The following FREM2 variants were observed in gnomAD, a reference collection of about 807,000 sequenced individuals.
FREM2 encodes FRAS1-related extracellular matrix protein 2.
FREM2 carries 119 observed loss-of-function variants against 219.9 expected under a neutral mutation model. The ratio of observed to expected loss-of-function variants is 0.54; its 90% CI spans 0.47 to 0.63. FREM2 has a LOEUF of 0.63. Among genes scored for constraint, FREM2 ranks in the 30% least tolerant of loss-of-function variants. The pLI is 0.00. For synonymous variants in FREM2, 1,562 were observed against 1,522.8 expected (o/e 1.03, Z -0.60); for missense variants, 4,030 against 3,993.6 (o/e 1.01, Z -0.25).
At chr13:38,750,546 A>T (rs1054311667) in intron 2 of FREM2, among the ~76,000 whole-genome samples, 3 of 152,302 alleles carry the variant, frequency 2.0e-5, no homozygotes, top group East Asian at 1.9e-4. Context: ...ACTTAAATTG[A>T]TTCCATATAT....
intron 16 of FREM2, among the ~76,000 whole-genome samples, chr13:38,866,311 A>G (rs904228516): frequency 6.6e-6 from 1 of 151,996 alleles, no homozygotes; most frequent in East Asian, 1.9e-4. Context: ...CCTGACCAAC[A>G]TGGAGAAACC....
chr13:38,850,133 A>G lies in FREM2; in HGVS notation c.6475A>G (p.Arg2159Gly). The G allele has an allele frequency of 6.2e-7, 1 of 1,614,036 alleles. No individual in the cohort carries two copies. Among genetic ancestry groups the G allele is most frequent in the Non-Finnish European group, 8.5e-7 (1 of 1,179,884 alleles). ...MIHRTGDVQY[R>G]SSVRCYTRQG... Reference sequence around the variant, plus strand: ...CCATAGGACTGGGGATGTCCAGTACAGATCTTCAGTGAGATGCTACACCCG... The same window carrying G: ...CCATAGGACTGGGGATGTCCAGTACGGATCTTCAGTGAGATGCTACACCCG... The change falls in exon 9 of 24, where the codon AGA becomes GGA. Residue 2159 changes from arginine (R) to glycine (G), a missense_variant. Arg to Gly is a moderately radical substitution (Grantham distance 125). Transcript: ENST00000280481.
chr13:38,869,603 A>G (rs1281808623), intron 16 of FREM2, among the ~76,000 whole-genome samples: 1 of 152,230 alleles, frequency 6.6e-6, no homozygotes, highest in Non-Finnish European at 1.5e-5. Context: ...TTCTCTAATG[A>G]TATTTAACTC....
In FREM2 at chr13:38,846,700, A is replaced by G. The variant is rs1877170538; in HGVS notation, c.6147A>G (p.Lys2049=). The G allele has an allele frequency of 6.2e-7, 1 of 1,613,768 alleles. No homozygotes were observed. The highest frequency in any genetic ancestry group is 1.3e-5 in the African/African-American group (1 of 74,988). The change falls in exon 7 of 24, where the codon AAA becomes AAG. Residue 2049 remains lysine, a synonymous_variant. Coordinates refer to ENST00000280481, the MANE Select transcript of FREM2 (RefSeq NM_207361.6). ...CTAGTGTCACAGTGAGGTCTCGGAA[A>G]ACAGATCCTCCCTCTGCAGATGGTG... The part of the protein sequence containing the change: ...KSSSVTVRSR[K]TDPPSADAGT...
intron 20 of FREM2, among the ~76,000 whole-genome samples, chr13:38,876,764 G>A (rs566883028): frequency 2.0e-5 from 3 of 152,100 alleles, no homozygotes; most frequent in East Asian, 3.9e-4. Context: ...GTACCTAATT[G>A]CCATTATGTA....
rs1228218655 is a variant in FREM2 at position 38,857,650 on chromosome 13, C to T, written c.7057-225C>T. Reference sequence around the variant, plus strand: ...GCTGGCCAACCTTTGGATTGACTGCCCTGGGCTCAGCTGCCCTCCCTGGAA... The same window carrying T: ...GCTGGCCAACCTTTGGATTGACTGCTCTGGGCTCAGCTGCCCTCCCTGGAA... On this transcript the variant is annotated intron_variant, in intron 12 of 23. Transcript: ENST00000280481. Among the ~76,000 whole-genome samples the T allele has an allele frequency of 2.0e-5, 3 of 152,142 alleles. No individual in the cohort carries two copies. The East Asian group carries it at 5.8e-4, about 29-fold the overall frequency.
chr13:38,855,676 C>T (rs1285830127), intron 11 of FREM2, among the ~76,000 whole-genome samples: 2 of 151,986 alleles, frequency 1.3e-5, no homozygotes, highest in African/African-American at 4.8e-5. Context: ...GGGAGCTAAG[C>T]TATGAGGATG....
Position 38,697,791 on chromosome 13 carries a change from A to T in FREM2, c.5263+4A>T. ...TATTTTGCAGTTGAAGATGGTGGTA[A>T]GTATTCCCCTCTCCTGGTAGTGACC... On this transcript the variant is annotated splice_donor_region_variant and intron_variant, in intron 2 of 23. Coordinates refer to ENST00000280481, the MANE Select transcript of FREM2 (RefSeq NM_207361.6). 6.4e-7 allele frequency: 1 copy of T among 1,550,700 alleles called. No homozygotes were observed. Among genetic ancestry groups the T allele is most frequent in the Non-Finnish European group, 8.9e-7 (1 of 1,122,250 alleles).
At chr13:38,879,589 A>G (rs905878412) in intron 23 of FREM2, among the ~76,000 whole-genome samples, 33 of 152,382 alleles carry the variant, frequency 2.2e-4, no homozygotes, top group African/African-American at 7.2e-4. Context: ...TAGGATATTT[A>G]CTGAAAATTA....
chr13:38,724,604 A>G (rs1871435799), intron 2 of FREM2, among the ~76,000 whole-genome samples: 1 of 152,246 alleles, frequency 6.6e-6, no homozygotes. Flanking sequence ...AGTTATTTAA[A>G]AAAATTGAAA....
Position 38,877,286 on chromosome 13 carries a change from T to TA in FREM2, c.8671+44dup, listed in dbSNP as rs754754256. 6.2e-6 allele frequency: 10 copies of TA among 1,608,696 alleles called. No homozygotes were observed. The East Asian group carries it at 2.2e-4, about 36-fold the overall frequency. ...AGAGGGATGCTCTGTTTGTCATGTA[T>TA]ATCTTTTGTGCTTTGCTTTTTGGGG... On this transcript the variant is annotated intron_variant, in intron 21 of 23. Coordinates refer to ENST00000280481, the MANE Select transcript of FREM2 (RefSeq NM_207361.6).
chr13:38,806,783 G>A (rs920519686), intron 6 of FREM2, among the ~76,000 whole-genome samples: 2 of 151,762 alleles, frequency 1.3e-5, no homozygotes, highest in East Asian at 4.0e-4. Flanking sequence ...CTATTTGATA[G>A]CATTTTACTC....
At position 38,691,515 on chromosome 13, in the gene FREM2, C is replaced by T. The variant is rs765498536; in HGVS notation, c.4171C>T (p.Arg1391Trp). 7 of 1,613,924 alleles carry T rather than the reference C, an allele frequency of 4.3e-6. No homozygotes were observed. Among genetic ancestry groups the T allele is most frequent in the East Asian group, 4.5e-5 (2 of 44,896 alleles). ...TGTCCATTTGGGGCAAGAGGGCATT[C>T]GGGACCTAATTAAATTTGATGTGAC... is the stretch of plus-strand genomic sequence containing the variant. ...QYVHLGQEGI[R>W]DLIKFDVTDG... The change falls in exon 1 of 24, where the codon CGG becomes TGG. Residue 1391 changes from arginine (R) to tryptophan (W), a missense_variant. Coordinates refer to ENST00000280481, the MANE Select transcript of FREM2 (RefSeq NM_207361.6).
At chr13:38,819,737 A>C (rs569533943) in intron 6 of FREM2, among the ~76,000 whole-genome samples, 8 of 152,286 alleles carry the variant, frequency 5.3e-5, no homozygotes, top group African/African-American at 1.9e-4. Context: ...ATGCACATAC[A>C]CAAATTATGA....
intron 4 of FREM2, among the ~76,000 whole-genome samples, chr13:38,776,314 C>T (rs1197399290): frequency 2.0e-5 from 3 of 152,196 alleles, no homozygotes; most frequent in African/African-American, 7.2e-5. Context: ...TCCATGTACT[C>T]TATTTTCTTT....
intron 2 of FREM2, among the ~76,000 whole-genome samples, chr13:38,761,402 T>C (rs1873218457): frequency 6.6e-6 from 1 of 152,228 alleles, no homozygotes; most frequent in Non-Finnish European, 1.5e-5. Flanking sequence ...AGCTGTTTTA[T>C]GTACTAATTT....
chr13:38,690,469 A>G lies in FREM2; in HGVS notation c.3125A>G (p.Glu1042Gly). Residue 1042 changes from glutamate (E) to glycine (G), a missense_variant, in exon 1 of 24, where the codon GAA becomes GGA. Physicochemically the swap from Glu to Gly is moderately conservative, Grantham distance 98. Coordinates refer to ENST00000280481, the MANE Select transcript of FREM2 (RefSeq NM_207361.6). ...FNLSLSDMSQ[E>G]WRIGGNTIQG... ...CTGAGTCTGTCAGATATGTCTCAAG[A>G]ATGGAGAATTGGTGGCAATACTATC... 1 of 1,614,206 alleles carries G rather than the reference A, an allele frequency of 6.2e-7. No homozygotes were observed. The highest frequency in any genetic ancestry group is 8.5e-7 in the Non-Finnish European group (1 of 1,180,038).
chr13:38,774,008 A>G (rs1869365597), intron 4 of FREM2, among the ~76,000 whole-genome samples: 1 of 150,992 alleles, frequency 6.6e-6, no homozygotes, highest in Admixed American at 6.6e-5. Context: ...AACAATATAT[A>G]TTCAAATATA....
chr13:38,725,835 G>A (rs1871496686), intron 2 of FREM2, among the ~76,000 whole-genome samples: 1 of 152,186 alleles, frequency 6.6e-6, no homozygotes, highest in African/African-American at 2.4e-5. Flanking sequence ...TGACATGGGA[G>A]ATGTGATTTT....
Sources: allele counts gnomAD v4.1 joint callset (sites outside exome capture counted in the v4.1 genomes callset), GRCh38; gene constraint gnomAD v4.1.1; transcripts MANE v1.5; gene names NCBI Gene and HGNC (gene_info 2026-07-23, HGNC 2026-07-21).